Variants in PCMTD2 observed in about 807,000 individuals in gnomAD.
PCMTD2 encodes the protein protein-L-isoaspartate O-methyltransferase domain-containing protein 2.
Under a neutral mutation model 33.4 loss-of-function variants are expected in PCMTD2, and 16 were observed. That is an observed-to-expected ratio of 0.48 (90% CI 0.32 to 0.73). PCMTD2 has a LOEUF of 0.73. Ranked by LOEUF, PCMTD2 falls within the 30% of genes least tolerant of loss-of-function variation. PCMTD2 has a pLI of 0.03. For synonymous variants in PCMTD2, 161 were observed against 160.8 expected (o/e 1.00, Z -0.01); for missense variants, 374 against 449.9 (o/e 0.83, Z 1.53).
Position 64,260,177 on chromosome 20 carries a change from A to T in PCMTD2, c.212A>T (p.Glu71Val). 1 of 1,613,302 alleles carries T rather than the reference A, an allele frequency of 6.2e-7. No homozygotes were observed. The highest frequency in any genetic ancestry group is 8.5e-7 in the Non-Finnish European group (1 of 1,179,238). ...IHLSAPCIYS[E>V]VMEALDLQPG... ...CTCTCAGCCCCGTGCATCTACTCGG[A>T]GGTGATGGAAGCCCTAGATCTGCAG... Residue 71 changes from glutamate to valine, a missense_variant, in exon 2 of 6, where the codon GAG becomes GTG. Coordinates refer to ENST00000308824, the MANE Select transcript of PCMTD2 (RefSeq NM_018257.3).
chr20:64,260,082 A>G lies in PCMTD2; in HGVS notation c.117A>G (p.Ala39=). 1 of 1,612,982 alleles carries G rather than the reference A, an allele frequency of 6.2e-7. No homozygotes were observed. Among genetic ancestry groups the G allele is most frequent in the Non-Finnish European group, 8.5e-7 (1 of 1,178,892 alleles). The stretch of plus-strand genomic sequence containing the variant: ...AGGCTTTCAGAGCTATCGATCGTGC[A>G]GACTATTATCTTGAAGAATTTAAAG... ...VEQAFRAIDR[A]DYYLEEFKEN... is the part of the protein sequence containing the mutation. Residue 39 remains alanine, a synonymous_variant, in exon 2 of 6, where the codon GCA becomes GCG. Transcript: ENST00000308824.
At chr20:64,265,099 A>G (rs1985601936) in intron 3 of PCMTD2, among the ~76,000 whole-genome samples, 159 bp from the exon 4 acceptor site, 1 of 152,230 alleles carries the variant, frequency 6.6e-6, no homozygotes, top group Non-Finnish European at 1.5e-5. Flanking sequence ...TCTTTTTGGA[A>G]GTAATTCTTG....
intron 5 of PCMTD2, among the ~76,000 whole-genome samples, chr20:64,269,414 T>TG (rs1414998201): frequency 3.3e-5 from 5 of 152,112 alleles, no homozygotes; most frequent in African/African-American, 1.2e-4. Flanking sequence ...CATGACAATG[T>TG]GGTGGGCAGT....
chr20:64,265,611 CAGGT>C (rs1985624535), intron 4 of PCMTD2, 182 bp downstream of exon 4: 1 of 446,230 alleles, frequency 2.2e-6, no homozygotes, highest in Non-Finnish European at 3.9e-6. Flanking sequence ...GAAGCTGACT[CAGGT>C]GGGTGCTTCA....
intron 5 of PCMTD2, chr20:64,272,080 G>T (rs1407003986): frequency 2.4e-6 from 1 of 414,042 alleles, no homozygotes; most frequent in African/African-American, 2.1e-5. Flanking sequence ...AAGGAGAAGG[G>T]ACCTCTTGTC....
chr20:64,260,070 T>C lies in PCMTD2; in HGVS notation c.105T>C (p.Ala35=). ...RTELVEQAFR[A]IDRADYYLEE... is the part of the protein sequence containing the mutation. ...AGCTGGTAGAGCAGGCTTTCAGAGC[T>C]ATCGATCGTGCAGACTATTATCTTG... The change falls in exon 2 of 6, where the codon GCT becomes GCC. Residue 35 remains alanine, a synonymous_variant. Transcript: ENST00000308824. 1 of 1,612,008 alleles carries C rather than the reference T, an allele frequency of 6.2e-7. No homozygotes were observed. The highest frequency in any genetic ancestry group is 8.5e-7 in the Non-Finnish European group (1 of 1,178,010).
At chr20:64,264,047 T>C (rs935687962) in intron 2 of PCMTD2, among the ~76,000 whole-genome samples, 1 of 152,238 alleles carries the variant, frequency 6.6e-6, no homozygotes, top group Non-Finnish European at 1.5e-5. Context: ...GTTTTGTGAA[T>C]ATTATAATGC....
intron 5 of PCMTD2, among the ~76,000 whole-genome samples, chr20:64,269,857 G>GCGGTGT (rs58774429): frequency 3.8e-4 from 56 of 145,962 alleles, no homozygotes; most frequent in African/African-American, 1.2e-3. Flanking sequence ...GCTGGCGTGT[G>GCGGTGT]GGGGGTGTGG....
chr20:64,268,119 C>T, intron 5 of PCMTD2, 109 bp downstream of exon 5: 8 of 806,430 alleles, frequency 9.9e-6, no homozygotes, highest in African/African-American at 3.5e-5. Context: ...AAAAGCACCA[C>T]TCCCATGCTG....
intron 5 of PCMTD2, among the ~76,000 whole-genome samples, chr20:64,272,680 C>T (rs57536845): frequency 0.023 from 3,478 of 152,258 alleles, 146 homozygotes; most frequent in African/African-American, 0.081. Flanking sequence ...ATTAGCTGGG[C>T]GTGGTGGCGC....
chr20:64,273,475 G>A lies in PCMTD2; in HGVS notation c.961G>A (p.Glu321Lys). ...AGACTTGGAAGAGGAACGGAGGGAA[G>A]AAGAAGAGAAGACCCCGCCGGAAAC... ...CEDLEEERRE[E>K]EEKTPPETKP... Residue 321 changes from glutamate to lysine, a missense_variant, in exon 6 of 6, where the codon GAA becomes AAA. Transcript: ENST00000308824. 6.2e-7 allele frequency: 1 copy of A among 1,612,372 alleles called. No homozygotes were observed. The highest frequency in any genetic ancestry group is 8.5e-7 in the Non-Finnish European group (1 of 1,179,480).
chr20:64,265,437 T>C lies in PCMTD2; in HGVS notation c.582+8T>C. ...ATGCCACTGGAAGAGAAGGTCAGAT[T>C]CCCTTCATAACTGACATTTCTGCAC... On this transcript the variant is annotated splice_region_variant and intron_variant, in intron 4 of 5. Transcript: ENST00000308824. 6.2e-7 allele frequency: 1 copy of C among 1,603,986 alleles called. No homozygotes were observed. Among genetic ancestry groups the C allele is most frequent in the South Asian group, 1.1e-5 (1 of 89,830 alleles).
At chr20:64,261,497 C>G (rs1279255491) in intron 2 of PCMTD2, among the ~76,000 whole-genome samples, 1 of 152,068 alleles carries the variant, frequency 6.6e-6, no homozygotes, top group Non-Finnish European at 1.5e-5. Flanking sequence ...ATCGCTTGAT[C>G]GCTTCAAGAT....
intron 5 of PCMTD2, among the ~76,000 whole-genome samples, chr20:64,268,827 T>C (rs1460464000): frequency 6.6e-6 from 1 of 152,250 alleles, no homozygotes; most frequent in Non-Finnish European, 1.5e-5. Context: ...GATTACACTT[T>C]GCTTTGGTCT....
intron 2 of PCMTD2, among the ~76,000 whole-genome samples, chr20:64,261,080 T>C (rs1985395430): frequency 6.6e-6 from 1 of 152,222 alleles, no homozygotes; most frequent in African/African-American, 2.4e-5. Flanking sequence ...TGAAGCTATT[T>C]AGCCTATTTT....
chr20:64,264,315 G>T (rs1601742696), intron 2 of PCMTD2, 114 bp from the exon 3 acceptor site: 1 of 627,908 alleles, frequency 1.6e-6, no homozygotes, highest in South Asian at 1.9e-5. Flanking sequence ...AAAACTTTGT[G>T]AATGTCTGTA....
In PCMTD2 at chr20:64,263,570, C is replaced by T. The variant is rs575554750; in HGVS notation, c.308-859C>T. ...TTTACATGTAGATTTAAAAAGTTGACGTGTAACTTACCCATAGTAAATGAA... is the reference window on the plus strand; with the variant it reads ...TTTACATGTAGATTTAAAAAGTTGATGTGTAACTTACCCATAGTAAATGAA... On this transcript the variant is annotated intron_variant, in intron 2 of 5. Transcript: ENST00000308824. Among the ~76,000 whole-genome samples the T allele has an allele frequency of 2.4e-3, 365 of 152,254 alleles. 2 individuals are homozygous for T. Among genetic ancestry groups the T allele is most frequent in the African/African-American group, 8.4e-3 (349 of 41,542 alleles).
At chr20:64,257,301 C>G (rs1233495768) in intron 1 of PCMTD2, among the ~76,000 whole-genome samples, 2 of 152,218 alleles carry the variant, frequency 1.3e-5, no homozygotes, top group African/African-American at 4.8e-5. Flanking sequence ...ATGCCTGTCG[C>G]CACTCAGCAA....
intron 5 of PCMTD2, among the ~76,000 whole-genome samples, chr20:64,272,848 C>T (rs1400988373): frequency 6.6e-6 from 1 of 152,146 alleles, no homozygotes; most frequent in African/African-American, 2.4e-5. Context: ...GACATATTCA[C>T]TGTATTACTA....
Sources: gnomAD v4.1 joint callset for allele counts (sites outside exome capture counted in the v4.1 genomes callset) on GRCh38, gnomAD v4.1.1 for gene constraint, MANE v1.5 for transcripts, NCBI Gene and HGNC (gene_info 2026-07-23, HGNC 2026-07-21) for gene names.